The following NEMP2 variants were observed in gnomAD, a reference collection of about 807,000 sequenced individuals.
The protein encoded by NEMP2 is UPF0571 transmembrane protein.
A neutral mutation model predicts 54.2 loss-of-function variants in NEMP2; 53 were observed. The ratio of observed to expected loss-of-function variants is 0.98; its 90% CI spans 0.78 to 1.23. The LOEUF (loss-of-function observed/expected upper bound fraction) is 1.23, where lower values mean the gene tolerates loss of function less well. NEMP2 is among the 50% of genes most tolerant of loss of function. NEMP2 has a pLI of 0.00. For missense variants in NEMP2, 455 were observed against 511.3 expected (o/e 0.89, Z 1.06); for synonymous variants, 197 against 190.3 (o/e 1.04, Z -0.29).
the NEMP2 span, among the ~76,000 whole-genome samples, chr2:190,474,560 T>C: frequency 6.6e-6 from 1 of 152,090 alleles, no homozygotes; most frequent in African/African-American, 2.4e-5. Context: ...GCTCTGAAAT[T>C]GAGGCAATAA....
At chr2:190,464,803 T>G in the NEMP2 span, 1 of 544,406 alleles carries the variant, frequency 1.8e-6, no homozygotes, top group Non-Finnish European at 2.3e-6. Context: ...CAAGTAGATT[T>G]CCTCTTCATT....
At chr2:190,482,165 G>A in the NEMP2 span, among the ~76,000 whole-genome samples, 1 of 152,224 alleles carries the variant, frequency 6.6e-6, no homozygotes, top group African/African-American at 2.4e-5. Context: ...AGGCATTGCA[G>A]ATGGCAGATT....
the NEMP2 span, among the ~76,000 whole-genome samples, chr2:190,620,923 C>T: frequency 1.3e-5 from 2 of 151,964 alleles, no homozygotes; most frequent in Admixed American, 6.5e-5. The surrounding 1 kb of genome is among the most constrained non-coding windows in gnomAD (Gnocchi z 4.9). Flanking sequence ...TTGCAAGATA[C>T]AAGATCAAAA....
At position 190,510,367 on chromosome 2, in the gene NEMP2, G is replaced by C; in HGVS notation, c.1124C>G (p.Pro375Arg). 1.3e-6 allele frequency: 2 copies of C among 1,551,700 alleles called. No homozygotes were observed. Among genetic ancestry groups the C allele is most frequent in the Non-Finnish European group, 1.7e-6 (2 of 1,146,996 alleles). The change falls in exon 8 of 9, where the codon CCT (proline) becomes CGT (arginine). Residue 375 changes from proline to arginine, a missense_variant. Pro to Arg is a moderately radical substitution (Grantham distance 103, BLOSUM62 -2). Transcript: ENST00000409150. The surrounding 1 kb of genome is among the most constrained non-coding windows in gnomAD (Gnocchi z 5.7). ...SWLVVSRLHT[P>R]SKFADFVLGG... is the part of the protein sequence containing the mutation. ...GCAGCAGAGCGGGACTTACTTGCTA[G>C]GAGTGTGGAGTCTGGAGACGACCAG...
the NEMP2 span, among the ~76,000 whole-genome samples, chr2:190,546,164 C>T: frequency 2.0e-5 from 3 of 152,166 alleles, no homozygotes; most frequent in Admixed American, 2.0e-4. This position sits in a 1 kb window ranked among gnomAD's most constrained non-coding sequence, Gnocchi z 5.1. Context: ...CAGTCAGCCC[C>T]TCCATATCTG....
the NEMP2 span, among the ~76,000 whole-genome samples, chr2:190,633,057 A>G: frequency 6.6e-6 from 1 of 151,856 alleles, no homozygotes; most frequent in Middle Eastern, 3.4e-3. Context: ...ATGCCTTCCT[A>G]TTTTTCCCTG....
At chr2:190,597,133 G>A in the NEMP2 span, among the ~76,000 whole-genome samples, 1 of 151,962 alleles carries the variant, frequency 6.6e-6, no homozygotes, top group Non-Finnish European at 1.5e-5. The surrounding 1 kb of genome is among the most constrained non-coding windows in gnomAD (Gnocchi z 4.7). Flanking sequence ...GTGTGGTGGT[G>A]TGCTCCTGTG....
chr2:190,509,440 T>TCAGAA lies in NEMP2; in HGVS notation c.1131-129_1131-128insTTCTG. 1.9e-6 allele frequency: 2 copies of TCAGAA among 1,034,412 alleles called. No homozygotes were observed. Among genetic ancestry groups the TCAGAA allele is most frequent in the Non-Finnish European group, 2.8e-6 (2 of 707,060 alleles). The allele number at this position is 1,034,412 out of a possible 1,614,324, so 64.1% of individuals were successfully genotyped here. ...CTTTGCATCAATACAGGGTGGCATT[T>TCAGAA]ACACAGTGGGTGTAAAAATGGGAAT... is the stretch of plus-strand genomic sequence containing the variant. On this transcript the variant is annotated intron_variant, in intron 8 of 8. Coordinates refer to ENST00000409150, the MANE Select transcript of NEMP2 (RefSeq NM_001142645.2). The surrounding 1 kb of genome is among the most constrained non-coding windows in gnomAD (Gnocchi z 6.1).
the NEMP2 span, among the ~76,000 whole-genome samples, chr2:190,482,389 G>A: frequency 6.6e-6 from 1 of 151,546 alleles, no homozygotes; most frequent in African/African-American, 2.4e-5. Context: ...TTGACCTTTC[G>A]GAAGCTTTCC....
At position 190,534,590 on chromosome 2, in the gene NEMP2, C is replaced by T. The variant is rs906430460; in HGVS notation, c.66G>A (p.Val22=). The change falls in exon 1 of 9, where the codon GTG becomes GTA. Residue 22 remains valine (V), a synonymous_variant. Coordinates refer to ENST00000409150, the MANE Select transcript of NEMP2 (RefSeq NM_001142645.2). The part of the protein sequence containing the change: ...LWLPPLATLP[V]RGEAAAAALS... ...ACGCTGCCGCCGCCGCCTCCCCGCG[C>T]ACGGGCAGTGTGGCCAGGGGCGGCA... The T allele has an allele frequency of 5.0e-6, 7 of 1,396,892 alleles. No homozygotes were observed. Among genetic ancestry groups the T allele is most frequent in the Non-Finnish European group, 6.5e-6 (7 of 1,080,894 alleles). 86.5% of individuals were successfully genotyped at this position (1,396,892 alleles called of 1,614,324 possible). A position where few individuals can be genotyped will look rare whatever the true frequency, so the allele number is the denominator to read the frequency against.
chr2:190,432,373 A>G, the NEMP2 span, among the ~76,000 whole-genome samples: 6 of 151,900 alleles, frequency 3.9e-5, no homozygotes, highest in Non-Finnish European at 5.9e-5. Flanking sequence ...ACCGTTTACA[A>G]CTCTGCTTGG....
chr2:190,455,649 T>C, the NEMP2 span, among the ~76,000 whole-genome samples: 1 of 151,780 alleles, frequency 6.6e-6, no homozygotes, highest in African/African-American at 2.4e-5. Flanking sequence ...AGATATGAAG[T>C]GGAAAAAAAT....
At chr2:190,472,127 A>G in the NEMP2 span, among the ~76,000 whole-genome samples, 338 of 152,332 alleles carry the variant, frequency 2.2e-3, 1 homozygote, top group Non-Finnish European at 3.5e-3. Flanking sequence ...AGTTAAAACC[A>G]CAAAGATGGG....
chr2:190,553,854 G>T, the NEMP2 span, among the ~76,000 whole-genome samples: 15 of 152,328 alleles, frequency 9.8e-5, no homozygotes, highest in Non-Finnish European at 2.1e-4. Flanking sequence ...TAAAATTCAT[G>T]CTGAGAGAGA....
chr2:190,502,981 C>G (rs1427052813), downstream of NEMP2, among the ~76,000 whole-genome samples: 2 of 152,124 alleles, frequency 1.3e-5, no homozygotes, highest in African/African-American at 4.8e-5. This position sits in a 1 kb window ranked among gnomAD's most constrained non-coding sequence, Gnocchi z 4.4. Context: ...AGCACCTTAC[C>G]CCACCCCAGG....
chr2:190,646,714 T>C, the NEMP2 span: 2 of 152,322 alleles, frequency 1.3e-5, no homozygotes, highest in South Asian at 4.1e-4. Flanking sequence ...AGAAACCAGA[T>C]ACAACTCAGA....
At chr2:190,604,450 C>A in the NEMP2 span, among the ~76,000 whole-genome samples, 2 of 152,184 alleles carry the variant, frequency 1.3e-5, no homozygotes, top group Non-Finnish European at 2.9e-5. The surrounding 1 kb of genome is among the most constrained non-coding windows in gnomAD (Gnocchi z 4.5). Flanking sequence ...ACCTTTAACC[C>A]AACCCTTTCC....
At chr2:190,534,772 G>C, upstream of NEMP2, 6 of 720,464 alleles carry the variant, frequency 8.3e-6, no homozygotes, top group Non-Finnish European at 1.2e-5. Flanking sequence ...CCGAACGCGG[G>C]AAAGGCGGAG....
the NEMP2 span, among the ~76,000 whole-genome samples, chr2:190,623,832 A>G: frequency 6.6e-6 from 1 of 152,182 alleles, no homozygotes; most frequent in African/African-American, 2.4e-5. Context: ...TCAAGTTTTA[A>G]AAAAACACAA....
Sources: allele counts gnomAD v4.1 joint callset (sites outside exome capture counted in the v4.1 genomes callset), GRCh38; gene constraint gnomAD v4.1.1; non-coding constraint Gnocchi (gnomAD v3.1); transcripts MANE v1.5; gene names NCBI Gene and HGNC (gene_info 2026-07-23, HGNC 2026-07-21).